Variants in SH3RF2 observed in about 807,000 individuals in gnomAD.
The protein encoded by SH3RF2 is SH3 domain containing ring finger 2, also known as E3 ubiquitin-protein ligase SH3RF2.
A neutral mutation model predicts 59.0 loss-of-function variants in SH3RF2; 43 were observed. That is an observed-to-expected ratio of 0.73 (90% CI 0.57 to 0.94). The LOEUF (loss-of-function observed/expected upper bound fraction) is 0.94, where lower values mean the gene tolerates loss of function less well. Ranked by LOEUF, SH3RF2 falls within the 40% of genes least tolerant of loss-of-function variation. The pLI is 0.00. For missense variants in SH3RF2, 930 were observed against 940.1 expected, an observed-to-expected ratio of 0.99 and a Z score of 0.14; for synonymous variants, 391 against 391.5, an observed-to-expected ratio of 1.00 and a Z score of 0.01.
chr5:145,963,802 TTTTC>T (rs1056458806), intron 2 of SH3RF2, among the ~76,000 whole-genome samples: 16 of 151,664 alleles, frequency 1.1e-4, no homozygotes, highest in South Asian at 2.1e-4. Context: ...CCTTAATAGT[TTTTC>T]TTTCTTTCTT....
At chr5:145,974,511 C>T (rs1363162200) in intron 2 of SH3RF2, among the ~76,000 whole-genome samples, 1 of 152,140 alleles carries the variant, frequency 6.6e-6, no homozygotes, top group Non-Finnish European at 1.5e-5. Flanking sequence ...AAGAATGTAT[C>T]TATGTATATA....
intron 4 of SH3RF2, among the ~76,000 whole-genome samples, chr5:146,011,913 C>G (rs1760917908): frequency 6.6e-6 from 1 of 152,160 alleles, no homozygotes; most frequent in Non-Finnish European, 1.5e-5. Flanking sequence ...ACTTCCAACA[C>G]TATGTTAAAT....
At chr5:145,941,675 G>A (rs796723809) in intron 2 of SH3RF2, among the ~76,000 whole-genome samples, 28 of 152,268 alleles carry the variant, frequency 1.8e-4, no homozygotes, top group African/African-American at 6.7e-4. Context: ...TGTGGACTTG[G>A]GTTTGAGAAA....
At chr5:145,947,552 T>G (rs923455167) in intron 2 of SH3RF2, among the ~76,000 whole-genome samples, 1 of 152,226 alleles carries the variant, frequency 6.6e-6, no homozygotes, top group Admixed American at 6.5e-5. Context: ...AGGTTTCTCT[T>G]TTCACATGCT....
intron 2 of SH3RF2, among the ~76,000 whole-genome samples, chr5:145,989,443 G>A (rs1298336552): frequency 6.6e-6 from 1 of 152,182 alleles, no homozygotes; most frequent in African/African-American, 2.4e-5. Flanking sequence ...CATTCATCAA[G>A]CGTTTCTTAA....
At chr5:145,978,426 C>T (rs1366551028) in intron 2 of SH3RF2, among the ~76,000 whole-genome samples, 1 of 152,180 alleles carries the variant, frequency 6.6e-6, no homozygotes, top group African/African-American at 2.4e-5. Context: ...CAGGGATGTC[C>T]ACAGGGTGCT....
Position 146,059,900 on chromosome 5 carries a change from C to A in SH3RF2, c.1590C>A (p.Ile530=), listed in dbSNP as rs772754886. The change falls in exon 9 of 10, where the codon ATC becomes ATA. Residue 530 remains isoleucine, a synonymous_variant. Transcript: ENST00000359120. The part of the protein sequence containing the change: ...GSLQRPLQSG[I]PTLVVGSLRR... Reference sequence around the variant, plus strand: ...TGCAGAGACCCCTCCAGTCCGGGATCCCCACTCTCGTGGTAGGCTCCCTCA... The same window carrying A: ...TGCAGAGACCCCTCCAGTCCGGGATACCCACTCTCGTGGTAGGCTCCCTCA... The A allele has an allele frequency of 6.7e-7, 1 of 1,497,768 alleles. No homozygotes were observed. Among genetic ancestry groups the A allele is most frequent in the East Asian group, 2.4e-5 (1 of 42,102 alleles). The allele number at this position is 1,497,768 out of a possible 1,614,324, so 92.8% of individuals were successfully genotyped here. A position where few individuals can be genotyped will look rare whatever the true frequency, so the allele number is the denominator to read the frequency against.
At position 146,059,908 on chromosome 5, in the gene SH3RF2, T is replaced by C. The variant is rs1762822247; in HGVS notation, c.1598T>C (p.Leu533Pro). ...CCCCTCCAGTCCGGGATCCCCACTCTCGTGGTAGGCTCCCTCAGACGCAGC... is the reference window on the plus strand; with the variant it reads ...CCCCTCCAGTCCGGGATCCCCACTCCCGTGGTAGGCTCCCTCAGACGCAGC... ...QRPLQSGIPT[L>P]VVGSLRRSPT... is the part of the protein sequence containing the mutation. The change falls in exon 9 of 10, where the codon CTC becomes CCC. Residue 533 changes from leucine (L) to proline (P), a missense_variant. Physicochemically the swap from Leu to Pro is moderately conservative, Grantham distance 98. Coordinates refer to ENST00000359120, the MANE Select transcript of SH3RF2 (RefSeq NM_152550.4). 3 of 1,501,392 alleles carry C rather than the reference T, an allele frequency of 2.0e-6. No homozygotes were observed. In the South Asian group the frequency reaches 4.2e-5, roughly 21 times the overall value. The allele number at this position is 1,501,392 out of a possible 1,614,324, so 93.0% of individuals were successfully genotyped here.
chr5:145,964,432 A>G (rs1758783812), intron 2 of SH3RF2, among the ~76,000 whole-genome samples: 1 of 150,364 alleles, frequency 6.7e-6, no homozygotes, highest in African/African-American at 2.4e-5. Flanking sequence ...TCAGGCTCCC[A>G]AGTAGCTGAG....
intron 7 of SH3RF2, among the ~76,000 whole-genome samples, chr5:146,049,456 A>G (rs116575169): frequency 0.013 from 1,962 of 152,332 alleles, 37 homozygotes; most frequent in African/African-American, 0.045. Context: ...GCACTTTTGT[A>G]TCTCTTAGCT....
At chr5:145,939,221 T>C (rs534598081) in intron 2 of SH3RF2, among the ~76,000 whole-genome samples, 176 of 152,318 alleles carry the variant, frequency 1.2e-3, no homozygotes, top group African/African-American at 4.1e-3. Flanking sequence ...TGTAAAAAAG[T>C]GGACACGGAA....
chr5:146,048,972 T>G, intron 6 of SH3RF2, 103 bp from the exon 7 acceptor site: 2 of 1,388,770 alleles, frequency 1.4e-6, no homozygotes, highest in Non-Finnish European at 2.0e-6. Flanking sequence ...AGAAGGTTCT[T>G]ATTGCTAACC....
downstream of SH3RF2, among the ~76,000 whole-genome samples, chr5:146,065,422 G>A (rs1245231821): frequency 6.6e-6 from 1 of 152,202 alleles, no homozygotes; most frequent in Non-Finnish European, 1.5e-5. Flanking sequence ...ACTCAGAGTG[G>A]CACAGATATG....
In SH3RF2 at chr5:146,018,233, T is replaced by C. The variant is rs141591426; in HGVS notation, c.1059+4172T>C. ...CATTGTATCCAATAGATAATTTTTC[T>C]TCCCTTAACCACCCTCACCCTCCCT... On this transcript the variant is annotated intron_variant, in intron 5 of 9. Coordinates refer to ENST00000359120, the MANE Select transcript of SH3RF2 (RefSeq NM_152550.4). Among the ~76,000 whole-genome samples the C allele has an allele frequency of 4.3e-4, 66 of 152,230 alleles. No individual in the cohort carries two copies. In the East Asian group the frequency reaches 0.012, roughly 28 times the overall value.
chr5:146,054,081 A>T (rs1762587483), intron 7 of SH3RF2, among the ~76,000 whole-genome samples: 1 of 152,166 alleles, frequency 6.6e-6, no homozygotes, highest in Non-Finnish European at 1.5e-5. Context: ...GAAAACAAAG[A>T]TCATAATGTC....
At chr5:146,065,524 A>G (rs1176828430), downstream of SH3RF2, among the ~76,000 whole-genome samples, 2 of 152,226 alleles carry the variant, frequency 1.3e-5, no homozygotes, top group Non-Finnish European at 2.9e-5. Context: ...CAGGGTGCTT[A>G]GATGGAATGG....
intron 2 of SH3RF2, among the ~76,000 whole-genome samples, chr5:145,962,888 C>CTT (rs1168517787): frequency 0.034 from 3,562 of 104,542 alleles, 664 homozygotes; most frequent in African/African-American, 0.16. Flanking sequence ...TATTATTCCA[C>CTT]TTTTTTTTTT....
intron 9 of SH3RF2, among the ~76,000 whole-genome samples, chr5:146,069,248 G>C (rs182051568): frequency 6.6e-6 from 1 of 152,174 alleles, no homozygotes; most frequent in Non-Finnish European, 1.5e-5. Context: ...AACATGTCTG[G>C]TTTTGAGAAT....
At chr5:145,987,133 AAG>A (rs1202017516) in intron 2 of SH3RF2, among the ~76,000 whole-genome samples, 1 of 152,202 alleles carries the variant, frequency 6.6e-6, no homozygotes, top group Non-Finnish European at 1.5e-5. Context: ...AGGGGAGAGA[AAG>A]AGAGAGACAC....
Sources: allele counts gnomAD v4.1 joint callset (sites outside exome capture counted in the v4.1 genomes callset), GRCh38; gene constraint gnomAD v4.1.1; transcripts MANE v1.5; gene names NCBI Gene and HGNC (gene_info 2026-07-23, HGNC 2026-07-21).